The following ARK2C variants were observed in gnomAD, a reference collection of about 807,000 sequenced individuals.
ARK2C encodes E3 ubiquitin-protein ligase ARK2C.
At chr18:46,385,625 C>T in the ARK2C span, 3 of 152,182 alleles carry the variant, frequency 2.0e-5, no homozygotes, top group African/African-American at 7.2e-5. Flanking sequence ...ATACAAGCCC[C>T]ACAGCCCCTG....
the ARK2C span, among the ~76,000 whole-genome samples, chr18:46,358,585 C>T: frequency 6.6e-6 from 1 of 152,170 alleles, no homozygotes; most frequent in Non-Finnish European, 1.5e-5. Context: ...GCAGCTCTGG[C>T]CTTCAGGTGT....
chr18:46,460,333 GC>G, the ARK2C span: 1 of 151,996 alleles, frequency 6.6e-6, no homozygotes, highest in Non-Finnish European at 1.5e-5. Context: ...CGCGCGTAGA[GC>G]AAATGCTAGA....
the ARK2C span, among the ~76,000 whole-genome samples, chr18:46,351,291 T>G: frequency 6.6e-6 from 1 of 151,946 alleles, no homozygotes; most frequent in Non-Finnish European, 1.5e-5. Flanking sequence ...TTCCCTCCAG[T>G]CTGAAGTTTG....
At chr18:46,371,421 G>C in the ARK2C span, among the ~76,000 whole-genome samples, 648 of 152,290 alleles carry the variant, frequency 4.3e-3, 5 homozygotes, top group Middle Eastern at 0.014. Context: ...CTCATCCCAG[G>C]GATGACCCAG....
the ARK2C span, among the ~76,000 whole-genome samples, chr18:46,383,301 C>A: frequency 6.6e-6 from 1 of 152,138 alleles, no homozygotes; most frequent in Admixed American, 6.5e-5. Flanking sequence ...AATTTTTCTA[C>A]AAATATCTAG....
At chr18:46,334,537 A>G in the ARK2C span, 2 of 491,876 alleles carry the variant, frequency 4.1e-6, no homozygotes, top group Non-Finnish European at 7.1e-6. The surrounding 1 kb of genome is among the most constrained non-coding windows in gnomAD (Gnocchi z 4.4). Context: ...TAGTGAAGTT[A>G]GGGTTTGGCG....
chr18:46,374,558 T>G, the ARK2C span, among the ~76,000 whole-genome samples: 1 of 152,222 alleles, frequency 6.6e-6, no homozygotes, highest in Non-Finnish European at 1.5e-5. Context: ...GAGAACGTCT[T>G]CAGGGTTCAC....
the ARK2C span, among the ~76,000 whole-genome samples, chr18:46,355,089 A>C: frequency 6.6e-6 from 1 of 151,714 alleles, no homozygotes. Flanking sequence ...AGCTAGGACT[A>C]CGGGAACATG....
At chr18:46,448,618 G>A in the ARK2C span, among the ~76,000 whole-genome samples, 2 of 152,066 alleles carry the variant, frequency 1.3e-5, no homozygotes, top group Non-Finnish European at 2.9e-5. Context: ...CATCTCACAG[G>A]GCTGGTGTGA....
the ARK2C span, among the ~76,000 whole-genome samples, chr18:46,430,068 C>T: frequency 1.7e-4 from 26 of 152,320 alleles, 1 homozygote; most frequent in African/African-American, 5.5e-4. Context: ...GGAAGCTTTC[C>T]ACCTCTGTCA....
At chr18:46,347,912 T>C in the ARK2C span, among the ~76,000 whole-genome samples, 1 of 152,104 alleles carries the variant, frequency 6.6e-6, no homozygotes, top group Non-Finnish European at 1.5e-5. Context: ...GCACCTGTGT[T>C]GGACCAGGCC....
the ARK2C span, chr18:46,335,864 T>C: frequency 1.0e-6 from 1 of 979,366 alleles, no homozygotes; most frequent in African/African-American, 1.7e-5. Context: ...ATTTATCAAA[T>C]CTTTTTTTTT....
chr18:46,434,842 G>C, the ARK2C span, among the ~76,000 whole-genome samples: 1 of 152,148 alleles, frequency 6.6e-6, no homozygotes, highest in African/African-American at 2.4e-5. Flanking sequence ...GCTTTGACCT[G>C]TGCCATGAAA....
the ARK2C span, among the ~76,000 whole-genome samples, chr18:46,397,571 T>A: frequency 8.6e-6 from 1 of 115,836 alleles, no homozygotes; most frequent in Non-Finnish European, 1.8e-5. Context: ...TGTGTGTGTG[T>A]GTGTGGTCAT....
chr18:46,447,719 G>C, the ARK2C span: 1 of 1,614,040 alleles, frequency 6.2e-7, no homozygotes, highest in Non-Finnish European at 8.5e-7. Flanking sequence ...GGACTCCCTT[G>C]CGCCTATTGA....
chr18:46,448,517 A>G, the ARK2C span, among the ~76,000 whole-genome samples: 1 of 152,170 alleles, frequency 6.6e-6, no homozygotes, highest in Non-Finnish European at 1.5e-5. Flanking sequence ...CTTGCACTTC[A>G]TATGGCCTCA....
chr18:46,415,990 G>A, the ARK2C span, among the ~76,000 whole-genome samples: 1 of 152,162 alleles, frequency 6.6e-6, no homozygotes, highest in Non-Finnish European at 1.5e-5. Flanking sequence ...GCACCAGCTG[G>A]CCACTCAGGG....
At chr18:46,406,227 T>C in the ARK2C span, among the ~76,000 whole-genome samples, 3 of 152,140 alleles carry the variant, frequency 2.0e-5, no homozygotes, top group Non-Finnish European at 2.9e-5. Context: ...ATAGCTCTTG[T>C]TGCATTGAAC....
chr18:46,426,518 CT>C, the ARK2C span, among the ~76,000 whole-genome samples: 4 of 152,232 alleles, frequency 2.6e-5, no homozygotes, highest in Admixed American at 6.5e-5. Context: ...TGGGTTCCCC[CT>C]GTCCCAGCTG....
Sources: gnomAD v4.1 joint callset for allele counts (sites outside exome capture counted in the v4.1 genomes callset) on GRCh38, gnomAD v4.1.1 for gene constraint, Gnocchi (gnomAD v3.1) non-coding constraint, MANE v1.5 for transcripts, NCBI Gene and HGNC (gene_info 2026-07-23, HGNC 2026-07-21) for gene names.